Variants in ETV7 observed in about 807,000 individuals in gnomAD.
ETV7 encodes the protein transcription factor ETV7.
In ETV7, 43 loss-of-function variants were observed where a neutral mutation model predicts 39.1. The ratio of observed to expected loss-of-function variants is 1.10; its 90% CI spans 0.86 to 1.42. The LOEUF is 1.42. Ranked by LOEUF, ETV7 falls within the 40% of genes most tolerant of loss-of-function variation. ETV7 has a pLI of 0.00. For missense variants in ETV7, 432 were observed against 442.3 expected (o/e 0.98, Z 0.21); for synonymous variants, 196 against 176.6 (o/e 1.11, Z -0.87).
At chr6:36,354,198 GT>G (rs35625100) in exon 8 of ETV7, 83,442 of 134,054 alleles carry the variant, frequency 0.62, 24,895 homozygotes, top group African/African-American at 0.69. Context: ...CATCCTATGG[GT>G]TTTTTTTTTT....
chr6:36,375,732 G>A, intron 3 of ETV7, 139 bp downstream of exon 3: 5 of 1,323,072 alleles, frequency 3.8e-6, no homozygotes, highest in Non-Finnish European at 5.3e-6. Flanking sequence ...TATGCAGAGG[G>A]GCATCTGCAG....
At chr6:36,366,100 G>A (rs974354362), downstream of ETV7, 4 of 753,726 alleles carry the variant, frequency 5.3e-6, no homozygotes, top group Non-Finnish European at 6.5e-6. Flanking sequence ...CTTGAACCCA[G>A]GAGGCGGAAG....
chr6:36,383,650 A>G lies in ETV7; in HGVS notation c.142+1884T>C, dbSNP rs547804392. On this transcript the variant is annotated intron_variant, in intron 2 of 7. Transcript: ENST00000340181. ...GGAAACTGGGCTGAGATCACCCCCA[A>G]CAGGGCTGAAAAGTCGAATCTTCAT... Among the ~76,000 whole-genome samples, 35 of 152,346 alleles carry G rather than the reference A, an allele frequency of 2.3e-4. 1 individual carries two copies. The South Asian group carries it at 3.9e-3, about 17-fold the overall frequency.
chr6:36,364,749 A>G (rs184668536), downstream of ETV7, among the ~76,000 whole-genome samples: 145 of 152,342 alleles, frequency 9.5e-4, no homozygotes, highest in Admixed American at 2.4e-3. Flanking sequence ...GGAGGTGCCG[A>G]GAGCGAGCGA....
intron 2 of ETV7, among the ~76,000 whole-genome samples, chr6:36,382,894 C>T (rs998047995): frequency 1.3e-5 from 2 of 152,160 alleles, no homozygotes; most frequent in African/African-American, 2.4e-5. Context: ...AAAGAAGAGA[C>T]GCAGGACCGA....
intron 3 of ETV7, among the ~76,000 whole-genome samples, chr6:36,374,162 A>G (rs1480048275): frequency 1.3e-5 from 2 of 152,156 alleles, no homozygotes; most frequent in Non-Finnish European, 2.9e-5. Flanking sequence ...GTTTGAGACC[A>G]GCCTGGGCAA....
intron 7 of ETV7, among the ~76,000 whole-genome samples, chr6:36,361,078 T>C (rs1236389777): frequency 1.3e-5 from 2 of 152,206 alleles, no homozygotes; most frequent in African/African-American, 4.8e-5. Flanking sequence ...ATCCCCAGTA[T>C]ATGAGCAATT....
Position 36,368,981 on chromosome 6 carries a change from A to T in ETV7, c.755T>A (p.Ile252Asn). 6.2e-7 allele frequency: 1 copy of T among 1,614,154 alleles called. No individual in the cohort carries two copies. Among genetic ancestry groups the T allele is most frequent in the Non-Finnish European group, 8.5e-7 (1 of 1,180,026 alleles). ...YIKWEDKDAK[I>N]FRVVDPNGLA... ...CCCATTTGGATCCACAACTCGGAAG[A>T]TCTTGGCGTCCTTGTCTTCCCACTT... The change falls in exon 6 of 8, where the codon ATC (isoleucine) becomes AAC (asparagine). Residue 252 changes from isoleucine to asparagine, a missense_variant. By Grantham distance (149) the Ile-to-Asn change is moderately radical. Transcript: ENST00000340181.
downstream of ETV7, among the ~76,000 whole-genome samples, chr6:36,362,088 G>A (rs1274853449): frequency 6.6e-6 from 1 of 152,014 alleles, no homozygotes; most frequent in Non-Finnish European, 1.5e-5. Context: ...CACGAGGTCA[G>A]GAGATCGAGA....
chr6:36,369,890 G>A (rs1772923150), intron 5 of ETV7, among the ~76,000 whole-genome samples: 1 of 147,844 alleles, frequency 6.8e-6, no homozygotes, highest in African/African-American at 2.6e-5. Flanking sequence ...TGGCAACAGA[G>A]TGAGACCCTG....
At chr6:36,362,639 G>A (rs1392886299), downstream of ETV7, among the ~76,000 whole-genome samples, 3 of 152,182 alleles carry the variant, frequency 2.0e-5, no homozygotes, top group Non-Finnish European at 4.4e-5. Context: ...CCTTACTCCA[G>A]GCACCCAGGG....
At chr6:36,356,489 A>T (rs937352311) in intron 7 of ETV7, among the ~76,000 whole-genome samples, 1 of 152,130 alleles carries the variant, frequency 6.6e-6, no homozygotes, top group African/African-American at 2.4e-5. Flanking sequence ...CCCTCCAGGG[A>T]CTTCACCTCA....
chr6:36,364,582 C>T (rs1313070348), downstream of ETV7, among the ~76,000 whole-genome samples: 2 of 152,244 alleles, frequency 1.3e-5, no homozygotes, highest in African/African-American at 4.8e-5. Flanking sequence ...GCAAGCGCCG[C>T]GCACAGCCCC....
Position 36,366,641 on chromosome 6 carries a change from C to T in ETV7, c.*4G>A. The T allele has an allele frequency of 6.2e-7, 1 of 1,614,148 alleles. No homozygotes were observed. The highest frequency in any genetic ancestry group is 1.3e-5 in the African/African-American group (1 of 75,012). ...GTACCGGGTGCCTGGAGTCCACCTG[C>T]CCCTCACGGAGAGATTTCTGGCCTC... is the stretch of plus-strand genomic sequence containing the variant. On this transcript the variant is annotated 3_prime_UTR_variant, in exon 8 of 8. Transcript: ENST00000340181.
chr6:36,368,835 C>T (rs1249274680), intron 6 of ETV7, 94 bp downstream of exon 6: 1 of 1,536,554 alleles, frequency 6.5e-7, no homozygotes, highest in Non-Finnish European at 8.9e-7. Flanking sequence ...GCCCCATCAG[C>T]TGAGGATTGT....
At chr6:36,354,632 C>A (rs561750263) in exon 8 of ETV7, 1 of 694,412 alleles carries the variant, frequency 1.4e-6, no homozygotes, top group East Asian at 2.7e-5. Flanking sequence ...ACTGTTTTGG[C>A]TATTTGGGGT....
At position 36,356,323 on chromosome 6, in the gene ETV7, C is replaced by CAAAAAAAAAAAAA. The variant is rs59649348; in HGVS notation, c.909-1649_909-1637dup. On this transcript the variant is annotated intron_variant, in intron 7 of 7. Coordinates refer to the ETV7 transcript ENST00000339796. ...TGGGTAAAAGAGTGAGACCCTGTCTCAAAAAAAAAAAAAAAACAAAAAAAA... is the reference window on the plus strand; with the variant it reads ...TGGGTAAAAGAGTGAGACCCTGTCTCAAAAAAAAAAAAAAAAAAAAAAAAAAAAACAAAAAAAA... Among the ~76,000 whole-genome samples the CAAAAAAAAAAAAA allele has an allele frequency of 6.4e-4, 50 of 77,622 alleles. 1 individual carries two copies. Among genetic ancestry groups the CAAAAAAAAAAAAA allele is most frequent in the Non-Finnish European group, 1.3e-3 (44 of 34,576 alleles). 50.9% of individuals were successfully genotyped at this position (77,622 alleles called of 152,430 possible).
At chr6:36,354,496 T>G (rs1772288256) in exon 8 of ETV7, 1 of 531,582 alleles carries the variant, frequency 1.9e-6, no homozygotes, top group Non-Finnish European at 3.3e-6. Flanking sequence ...CCAACACTAT[T>G]TGTTGAAAAA....
At chr6:36,362,507 A>T (rs1054939973), downstream of ETV7, among the ~76,000 whole-genome samples, 2 of 151,190 alleles carry the variant, frequency 1.3e-5, no homozygotes, top group African/African-American at 4.9e-5. Flanking sequence ...ATTTTCAATG[A>T]CCTGCCACTT....
Sources: gnomAD v4.1 joint callset for allele counts (sites outside exome capture counted in the v4.1 genomes callset) on GRCh38, gnomAD v4.1.1 for gene constraint, MANE v1.5 for transcripts, NCBI Gene and HGNC (gene_info 2026-07-23, HGNC 2026-07-21) for gene names.